The following HDAC9 variants were observed in gnomAD, a reference collection of about 807,000 sequenced individuals.
HDAC9 encodes the protein histone deacetylase 9, also known as MEF-2 interacting transcription repressor (MITR) protein.
In HDAC9, 41 loss-of-function variants were observed where a neutral mutation model predicts 139.4. The ratio of observed to expected loss-of-function variants is 0.29; its 90% CI spans 0.23 to 0.38. HDAC9 has a LOEUF of 0.38. Ranked by LOEUF, HDAC9 falls within the 10% of genes least tolerant of loss-of-function variation. The pLI is 1.00. For missense variants in HDAC9, 1,147 were observed against 1,297.0 expected (o/e 0.88, Z 1.78); for synonymous variants, 517 against 476.2 (o/e 1.09, Z -1.12).
intron 2 of HDAC9, among the ~76,000 whole-genome samples, chr7:18,245,179 G>A (rs1322878544): frequency 6.6e-6 from 1 of 152,146 alleles, no homozygotes; most frequent in African/African-American, 2.4e-5. Context: ...TTCACTCTAG[G>A]ACAGCTGGGA....
Position 18,174,588 on chromosome 7 carries a change from TTATC to T in HDAC9, c.25+12242_25+12245del, listed in dbSNP as rs554730263. On this transcript the variant is annotated intron_variant, in intron 2 of 12. Transcript: ENST00000417496. ...CTGGTTTCTCCCTATCTTTGTGGTT[TTATC>T]TACCTTTGGTCTTTGATGTTGGTGA... 5.8e-3 allele frequency among the ~76,000 whole-genome samples: 878 copies of T among 152,348 alleles called. 10 individuals carry two copies. The highest frequency in any genetic ancestry group is 0.02 in the African/African-American group (835 of 41,580).
intron 6 of HDAC9, among the ~76,000 whole-genome samples, chr7:18,621,071 A>C (rs1733857545): frequency 2.0e-5 from 3 of 151,862 alleles, no homozygotes; most frequent in Admixed American, 1.3e-4. Context: ...GTGTGGATAT[A>C]TAATATATAG....
At chr7:18,626,775 T>A (rs951926416) in intron 6 of HDAC9, among the ~76,000 whole-genome samples, 6 of 152,218 alleles carry the variant, frequency 3.9e-5, no homozygotes, top group African/African-American at 1.4e-4. Context: ...CTGCTGACCT[T>A]AAAAATCATT....
At chr7:18,457,844 A>G (rs1793482969) in intron 1 of HDAC9, among the ~76,000 whole-genome samples, 1 of 151,616 alleles carries the variant, frequency 6.6e-6, no homozygotes, top group Non-Finnish European at 1.5e-5. Context: ...TTGTTCCTGG[A>G]TGGGTCTTAT....
At chr7:18,201,244 A>G (rs180736189) in intron 2 of HDAC9, among the ~76,000 whole-genome samples, 37 of 152,236 alleles carry the variant, frequency 2.4e-4, no homozygotes, top group Non-Finnish European at 4.4e-4. Context: ...GTAGCTCCCC[A>G]TATGTTATAT....
intron 16 of HDAC9, among the ~76,000 whole-genome samples, chr7:18,786,491 T>TTCCTTCCTTCCTTTCG (rs1791753819): frequency 7.3e-6 from 1 of 137,506 alleles, no homozygotes; most frequent in Non-Finnish European, 1.5e-5. Flanking sequence ...CCTTTCTTCC[T>TTCCTTCCTTCCTTTCG]TCCTTCCTTC....
At chr7:18,497,377 G>A (rs1261333522) in intron 2 of HDAC9, among the ~76,000 whole-genome samples, 1 of 152,118 alleles carries the variant, frequency 6.6e-6, no homozygotes, top group Non-Finnish European at 1.5e-5. Context: ...CCACAGGTTG[G>A]CATGATGTCT....
chr7:18,601,040 A>T (rs1833810362), intron 6 of HDAC9, among the ~76,000 whole-genome samples: 1 of 152,092 alleles, frequency 6.6e-6, no homozygotes, highest in African/African-American at 2.4e-5. Context: ...TTTAACTGGG[A>T]TTATGCTGAA....
At chr7:18,467,192 T>C (rs1794353575) in intron 1 of HDAC9, among the ~76,000 whole-genome samples, 1 of 152,180 alleles carries the variant, frequency 6.6e-6, no homozygotes, top group Non-Finnish European at 1.5e-5. Context: ...TGATCTTTCC[T>C]CTTTGTTCTC....
chr7:18,793,668 C>T (rs1283963571), intron 17 of HDAC9, among the ~76,000 whole-genome samples: 1 of 152,122 alleles, frequency 6.6e-6, no homozygotes, highest in East Asian at 1.9e-4. Context: ...GAACACTCTG[C>T]AGTCAGGGCC....
At chr7:18,910,938 A>G (rs892985774) in intron 22 of HDAC9, among the ~76,000 whole-genome samples, 6 of 151,644 alleles carry the variant, frequency 4.0e-5, no homozygotes, top group African/African-American at 1.5e-4. Context: ...ATTTGGTTTT[A>G]TTATCAGGGT....
At chr7:18,238,607 A>C (rs1328999197) in intron 2 of HDAC9, among the ~76,000 whole-genome samples, 1 of 152,158 alleles carries the variant, frequency 6.6e-6, no homozygotes, top group African/African-American at 2.4e-5. Context: ...TTAGTACCAC[A>C]ATTTTTAGAT....
At chr7:18,589,681 T>C (rs181214051) in intron 3 of HDAC9, among the ~76,000 whole-genome samples, 13 of 152,336 alleles carry the variant, frequency 8.5e-5, no homozygotes, top group African/African-American at 3.1e-4. Flanking sequence ...TTGACCAGTG[T>C]CTTTAATCTA....
chr7:18,538,956 G>A (rs1811803150), intron 2 of HDAC9, among the ~76,000 whole-genome samples: 2 of 152,184 alleles, frequency 1.3e-5, no homozygotes, highest in African/African-American at 4.8e-5. Context: ...ATCACATGAT[G>A]AGAGGGCAAG....
chr7:18,320,110 C>G (rs1221553143), intron 1 of HDAC9, among the ~76,000 whole-genome samples: 2 of 152,220 alleles, frequency 1.3e-5, no homozygotes, highest in Non-Finnish European at 2.9e-5. Flanking sequence ...ATCAGCAAAT[C>G]CGTGGATGAA....
At chr7:18,635,912 C>T (rs1162960785) in intron 8 of HDAC9, among the ~76,000 whole-genome samples, 4 of 151,980 alleles carry the variant, frequency 2.6e-5, no homozygotes, top group Non-Finnish European at 5.9e-5. Flanking sequence ...TGATATGTCT[C>T]TGTACAGCTA....
At position 18,793,358 on chromosome 7, in the gene HDAC9, C is replaced by A; in HGVS notation, c.2228C>A (p.Thr743Asn). Residue 743 changes from threonine (T) to asparagine (N), a missense_variant, in exon 17 of 26, where the codon ACC becomes AAC. Coordinates refer to ENST00000686413, the MANE Select transcript of HDAC9 (RefSeq NM_178425.4). Reference protein sequence around the residue: ...PCGGLGVDSDTIWNELHSSGA... With the variant: ...PCGGLGVDSDNIWNELHSSGA... ...CTGTTTGCTCAGGTGGACAGTGACA[C>A]CATTTGGAATGAGCTACACTCGTCC... 6.3e-7 allele frequency: 1 copy of A among 1,575,456 alleles called. No homozygotes were observed. The highest frequency in any genetic ancestry group is 8.6e-7 in the Non-Finnish European group (1 of 1,160,010).
chr7:18,577,902 G>C (rs765343196), intron 2 of HDAC9, among the ~76,000 whole-genome samples: 2 of 152,120 alleles, frequency 1.3e-5, no homozygotes, highest in Admixed American at 6.5e-5. Context: ...AACATGGATA[G>C]AAAGAATGAG....
intron 2 of HDAC9, among the ~76,000 whole-genome samples, chr7:18,252,806 A>G (rs1185148034): frequency 6.6e-6 from 1 of 152,052 alleles, no homozygotes; most frequent in East Asian, 1.9e-4. Context: ...CTCCCAAACC[A>G]CAATCTTACA....
Sources: allele counts gnomAD v4.1 joint callset (sites outside exome capture counted in the v4.1 genomes callset), GRCh38; gene constraint gnomAD v4.1.1; transcripts MANE v1.5; gene names NCBI Gene and HGNC (gene_info 2026-07-23, HGNC 2026-07-21).